The following ALK variants were observed in gnomAD, a reference collection of about 807,000 sequenced individuals.
The protein encoded by ALK is ALK tyrosine kinase receptor.
Under a neutral mutation model 163.1 loss-of-function variants are expected in ALK, and 74 were observed. The ratio of observed to expected loss-of-function variants is 0.45; its 90% CI spans 0.38 to 0.55. The LOEUF (loss-of-function observed/expected upper bound fraction) is 0.55, where lower values mean the gene tolerates loss of function less well. ALK is among the 20% of genes least tolerant of loss of function. The pLI is 0.00. For missense variants in ALK, 2,063 were observed against 2,105.3 expected (o/e 0.98, Z 0.39); for synonymous variants, 960 against 843.2 (o/e 1.14, Z -2.40).
At chr2:29,267,333 G>T (rs546573485) in intron 11 of ALK, among the ~76,000 whole-genome samples, 33 of 152,336 alleles carry the variant, frequency 2.2e-4, no homozygotes, top group Non-Finnish European at 3.5e-4. Flanking sequence ...AGACTATGAA[G>T]TGGAGGACCC....
intron 14 of ALK, among the ~76,000 whole-genome samples, chr2:29,232,953 G>A (rs1664259041): frequency 6.6e-6 from 1 of 152,192 alleles, no homozygotes; most frequent in South Asian, 2.1e-4. Context: ...CTGTGATGAT[G>A]TCAGCAAAGT....
chr2:29,202,468 CCTTT>C (rs969724886), intron 26 of ALK, among the ~76,000 whole-genome samples: 2 of 152,214 alleles, frequency 1.3e-5, no homozygotes, highest in Admixed American at 6.5e-5. Context: ...GTCAGCTCTC[CCTTT>C]CTTTATGAAG....
chr2:29,538,115 T>C (rs944615887), intron 3 of ALK, among the ~76,000 whole-genome samples: 4 of 152,216 alleles, frequency 2.6e-5, no homozygotes, highest in African/African-American at 9.6e-5. Flanking sequence ...TGTGTTAATA[T>C]TGGAATGAGT....
intron 15 of ALK, among the ~76,000 whole-genome samples, 169 bp downstream of exon 15, chr2:29,232,135 G>T (rs1379958039): frequency 6.6e-6 from 1 of 152,154 alleles, no homozygotes; most frequent in Admixed American, 6.5e-5. Context: ...GGCCTGCAGG[G>T]CTCCCAGGGT....
intron 1 of ALK, among the ~76,000 whole-genome samples, chr2:29,831,080 GGAGGA>G: frequency 1.6e-4 from 2 of 12,790 alleles, no homozygotes; most frequent in African/African-American, 4.5e-4. Context: ...GGGAGGAGGA[GGAGGA>G]GGAGGAGGAG....
intron 3 of ALK, among the ~76,000 whole-genome samples, chr2:29,592,812 A>C (rs182716512): frequency 3.9e-5 from 6 of 152,304 alleles, no homozygotes; most frequent in African/African-American, 1.2e-4. Context: ...CAGGGAAGAC[A>C]TACATATGAG....
intron 1 of ALK, among the ~76,000 whole-genome samples, chr2:29,723,606 T>C (rs1679481884): frequency 6.6e-6 from 1 of 152,216 alleles, no homozygotes; most frequent in African/African-American, 2.4e-5. Context: ...CTGGCACTTA[T>C]TAGCTGTTAA....
chr2:29,739,240 TAAAAA>T (rs57381961), intron 1 of ALK, among the ~76,000 whole-genome samples: 67 of 40,326 alleles, frequency 1.7e-3, no homozygotes, highest in African/African-American at 6.7e-3. Context: ...CAGTCTCTCT[TAAAAA>T]AAAAAAAAAA....
intron 5 of ALK, among the ~76,000 whole-genome samples, chr2:29,332,000 A>C (rs1667452044): frequency 6.6e-6 from 1 of 152,036 alleles, no homozygotes; most frequent in Admixed American, 6.6e-5. Flanking sequence ...GTGAACTTAA[A>C]AATCAGCCAG....
chr2:29,830,593 G>T (rs949220615), intron 1 of ALK, among the ~76,000 whole-genome samples: 2 of 151,748 alleles, frequency 1.3e-5, no homozygotes, highest in African/African-American at 2.4e-5. Flanking sequence ...AATACATTGG[G>T]CATGGTGGCT....
intron 1 of ALK, among the ~76,000 whole-genome samples, chr2:29,733,588 A>AGAGTGCTTATGAAGCACTTAG (rs1679807132): frequency 6.6e-6 from 1 of 152,256 alleles, no homozygotes. Context: ...ATGCCATAAG[A>AGAGTGCTTATGAAGCACTTAG]GAGTGCTTAT....
At chr2:29,910,567 C>T (rs1217369961) in intron 1 of ALK, among the ~76,000 whole-genome samples, 1 of 151,992 alleles carries the variant, frequency 6.6e-6, no homozygotes, top group Non-Finnish European at 1.5e-5. Flanking sequence ...TTTCTAAAAT[C>T]CTATGATAAA....
intron 19 of ALK, 171 bp from the exon 20 acceptor site, chr2:29,223,699 A>T (rs2148171682): frequency 1.6e-6 from 1 of 636,598 alleles, no homozygotes; most frequent in Non-Finnish European, 2.7e-6. Flanking sequence ...GTGTGTCTTT[A>T]ATTGAAGCAT....
chr2:29,462,197 T>G (rs1671100549), intron 4 of ALK, among the ~76,000 whole-genome samples: 1 of 152,186 alleles, frequency 6.6e-6, no homozygotes, highest in Non-Finnish European at 1.5e-5. Flanking sequence ...CTATTCTTGG[T>G]GAAGATATTG....
chr2:29,549,214 T>C (rs1232266273), intron 3 of ALK, among the ~76,000 whole-genome samples: 2 of 152,026 alleles, frequency 1.3e-5, no homozygotes, highest in Non-Finnish European at 2.9e-5. Flanking sequence ...TTCATTGTGA[T>C]GTGAAATATA....
chr2:29,644,454 A>G (rs1443024115), intron 3 of ALK, among the ~76,000 whole-genome samples: 1 of 152,072 alleles, frequency 6.6e-6, no homozygotes, highest in African/African-American at 2.4e-5. Context: ...AGTATTTTTC[A>G]CCTAGAGCTG....
At chr2:29,486,779 T>C (rs895131765) in intron 4 of ALK, among the ~76,000 whole-genome samples, 1 of 152,204 alleles carries the variant, frequency 6.6e-6, no homozygotes, top group Non-Finnish European at 1.5e-5. Context: ...TACCCCAAAT[T>C]ATATACCAAA....
chr2:29,367,090 C>T (rs1381366250), intron 5 of ALK, among the ~76,000 whole-genome samples: 1 of 152,040 alleles, frequency 6.6e-6, no homozygotes. Flanking sequence ...TTCTAGTGTG[C>T]CTATTATCCA....
At chr2:29,347,714 T>C (rs891194731) in intron 5 of ALK, among the ~76,000 whole-genome samples, 1 of 152,186 alleles carries the variant, frequency 6.6e-6, no homozygotes, top group African/African-American at 2.4e-5. Flanking sequence ...CTCTCCAGCC[T>C]GGGAATATTG....
Sources: allele counts gnomAD v4.1 joint callset (sites outside exome capture counted in the v4.1 genomes callset), GRCh38; gene constraint gnomAD v4.1.1; transcripts MANE v1.5; gene names NCBI Gene and HGNC (gene_info 2026-07-23, HGNC 2026-07-21).